SORCS1: variants seen among roughly 807,000 people sequenced by gnomAD.
SORCS1 encodes the protein VPS10 domain-containing receptor SorCS1.
SORCS1 carries 60 observed loss-of-function variants against 146.1 expected under a neutral mutation model. The observed-to-expected ratio is 0.41, with a 90% CI of 0.33 to 0.51. The LOEUF is 0.51. SORCS1 is among the 20% of genes least tolerant of loss of function. The pLI, the probability that SORCS1 is intolerant of heterozygous loss-of-function variation, is 0.21. For missense variants in SORCS1, 1,352 were observed against 1,487.6 expected, an observed-to-expected ratio of 0.91 and a Z score of 1.50; for synonymous variants, 637 against 584.0, an observed-to-expected ratio of 1.09 and a Z score of -1.31.
At chr10:106,829,090 C>T (rs905220777) in intron 3 of SORCS1, among the ~76,000 whole-genome samples, 1 of 152,226 alleles carries the variant, frequency 6.6e-6, no homozygotes, top group Admixed American at 6.5e-5. Flanking sequence ...AAATGCACTG[C>T]ATTCATCCTG....
At chr10:106,984,203 G>A (rs534134282) in intron 1 of SORCS1, among the ~76,000 whole-genome samples, 19 of 152,176 alleles carry the variant, frequency 1.2e-4, no homozygotes, top group African/African-American at 4.1e-4. Flanking sequence ...CAGAAAGTCG[G>A]ATTTTAGGAA....
chr10:106,621,956 C>T (rs1847774163), intron 19 of SORCS1, among the ~76,000 whole-genome samples: 1 of 152,082 alleles, frequency 6.6e-6, no homozygotes, highest in Non-Finnish European at 1.5e-5. Context: ...GAAAGCGAAG[C>T]TGATCATGTT....
At chr10:106,771,219 T>C (rs1327156577) in intron 4 of SORCS1, among the ~76,000 whole-genome samples, 1 of 99,044 alleles carries the variant, frequency 1.0e-5, no homozygotes, top group Non-Finnish European at 2.1e-5. Flanking sequence ...TTCTCTCCTG[T>C]TTTTTTTTTT....
chr10:107,120,086 A>G (rs548187104), intron 1 of SORCS1, among the ~76,000 whole-genome samples: 2 of 152,156 alleles, frequency 1.3e-5, no homozygotes, highest in African/African-American at 2.4e-5. Context: ...GCCTTATAAT[A>G]TATCTCCTGT....
intron 1 of SORCS1, among the ~76,000 whole-genome samples, chr10:107,110,919 C>T (rs1000100852): frequency 1.3e-5 from 2 of 152,278 alleles, no homozygotes; most frequent in Admixed American, 6.5e-5. Context: ...ATCTTGTCCA[C>T]CAAGAGGTCA....
intron 24 of SORCS1, among the ~76,000 whole-genome samples, chr10:106,596,792 G>A (rs929652471): frequency 6.6e-6 from 1 of 152,210 alleles, no homozygotes; most frequent in African/African-American, 2.4e-5. Flanking sequence ...GATTTCTGAT[G>A]AGATAAATAA....
intron 1 of SORCS1, among the ~76,000 whole-genome samples, chr10:106,996,057 C>T (rs549166909): frequency 1.2e-3 from 176 of 151,712 alleles, no homozygotes; most frequent in Non-Finnish European, 1.7e-3. Context: ...CTGGCCAAGA[C>T]GGTGAAATCC....
chr10:107,028,500 G>A (rs1336669547), intron 1 of SORCS1, among the ~76,000 whole-genome samples: 1 of 152,226 alleles, frequency 6.6e-6, no homozygotes, highest in Non-Finnish European at 1.5e-5. Context: ...TACAGTGTAA[G>A]TGAAACGCTG....
chr10:106,598,019 G>A lies in SORCS1; in HGVS notation c.3166-569C>T, dbSNP rs188269003. On this transcript the variant is annotated intron_variant, in intron 23 of 25. Transcript: ENST00000263054. ...TAAACTGTTCCTCAGGCTGACACAC[G>A]GATACCGGGCAGACCCATGGAATTC... Among the ~76,000 whole-genome samples the A allele has an allele frequency of 1.3e-3, 204 of 152,072 alleles. 1 individual carries two copies. The highest frequency in any genetic ancestry group is 2.9e-4 in the Non-Finnish European group (20 of 68,002).
intron 8 of SORCS1, among the ~76,000 whole-genome samples, chr10:106,700,391 G>A (rs911904541): frequency 6.6e-6 from 1 of 152,208 alleles, no homozygotes; most frequent in East Asian, 1.9e-4. Context: ...GCCCAAGATA[G>A]TAGTCATAAA....
At chr10:106,966,264 T>C (rs957171532) in intron 1 of SORCS1, among the ~76,000 whole-genome samples, 2 of 150,224 alleles carry the variant, frequency 1.3e-5, no homozygotes, top group African/African-American at 5.0e-5. Context: ...GAAATACATA[T>C]GCACGCACAC....
intron 18 of SORCS1, among the ~76,000 whole-genome samples, chr10:106,650,153 A>G (rs1453088071): frequency 6.6e-6 from 1 of 152,196 alleles, no homozygotes; most frequent in Non-Finnish European, 1.5e-5. Context: ...GAAAAATATT[A>G]GGTAAAGCTC....
intron 1 of SORCS1, among the ~76,000 whole-genome samples, chr10:107,072,932 T>C (rs35156540): frequency 0.022 from 3,370 of 152,152 alleles, 117 homozygotes; most frequent in African/African-American, 0.076. Context: ...CTCAGCGATA[T>C]TCAATGACAC....
At chr10:107,164,841 C>T (rs1176424954), upstream of SORCS1, among the ~76,000 whole-genome samples, 1 of 146,836 alleles carries the variant, frequency 6.8e-6, no homozygotes, top group Non-Finnish European at 1.5e-5. The surrounding 1 kb of genome is among the most constrained non-coding windows in gnomAD (Gnocchi z 6.8). Flanking sequence ...CTCCGGGCGC[C>T]GCGTCCCGCG....
At chr10:106,969,773 A>C (rs1177123224) in intron 1 of SORCS1, among the ~76,000 whole-genome samples, 1 of 152,182 alleles carries the variant, frequency 6.6e-6, no homozygotes, top group East Asian at 1.9e-4. Context: ...TCCTCTCTCC[A>C]CCTGGAACAA....
At position 106,779,284 on chromosome 10, in the gene SORCS1, T is replaced by C. The variant is rs556554364; in HGVS notation, c.727-2592A>G. On this transcript the variant is annotated intron_variant, in intron 3 of 25. Coordinates refer to ENST00000263054, the MANE Select transcript of SORCS1 (RefSeq NM_052918.5). ...TACAGAAACATTCCAGTGGCTGCTC[T>C]CTTAAATTTCTGTTCAATTCTACTC... 3.9e-5 allele frequency among the ~76,000 whole-genome samples: 6 copies of C among 152,304 alleles called. No individual in the cohort carries two copies. The South Asian group carries it at 1.2e-3, about 32-fold the overall frequency.
chr10:107,117,496 G>A (rs1309312780), intron 1 of SORCS1, among the ~76,000 whole-genome samples: 1 of 152,132 alleles, frequency 6.6e-6, no homozygotes, highest in African/African-American at 2.4e-5. Flanking sequence ...GAGGTCATGA[G>A]TACCCAGGAA....
intron 1 of SORCS1, among the ~76,000 whole-genome samples, chr10:107,139,637 C>T (rs577065116): frequency 9.8e-5 from 15 of 152,324 alleles, no homozygotes; most frequent in African/African-American, 3.6e-4. Context: ...AGCCCAAATA[C>T]ATGACGCAGT....
At chr10:106,730,354 T>C (rs912968430) in intron 5 of SORCS1, among the ~76,000 whole-genome samples, 5 of 152,208 alleles carry the variant, frequency 3.3e-5, no homozygotes, top group African/African-American at 1.2e-4. Flanking sequence ...GGATGTTGCA[T>C]GTTATTAGCT....
Sources: allele counts gnomAD v4.1 joint callset (sites outside exome capture counted in the v4.1 genomes callset), GRCh38; gene constraint gnomAD v4.1.1; non-coding constraint Gnocchi (gnomAD v3.1); transcripts MANE v1.5; gene names NCBI Gene and HGNC (gene_info 2026-07-23, HGNC 2026-07-21).